The following CMTR1 variants were observed in gnomAD, a reference collection of about 807,000 sequenced individuals.
CMTR1 encodes cap-specific mRNA (nucleoside-2'-O-)-methyltransferase 1.
Under a neutral mutation model 107.0 loss-of-function variants are expected in CMTR1, and 39 were observed. That is an observed-to-expected ratio of 0.36 (90% CI 0.28 to 0.48). CMTR1 has a LOEUF of 0.48. Among genes scored for constraint, CMTR1 ranks in the 20% least tolerant of loss-of-function variants. CMTR1 has a pLI of 0.99. For synonymous variants in CMTR1, 366 were observed against 379.5 expected, an observed-to-expected ratio of 0.96 and a Z score of 0.41; for missense variants, 672 against 1,064.9, an observed-to-expected ratio of 0.63 and a Z score of 5.14.
At chr6:37,430,243 T>C (rs1224990397), upstream of CMTR1, among the ~76,000 whole-genome samples, 1 of 152,250 alleles carries the variant, frequency 6.6e-6, no homozygotes, top group African/African-American at 2.4e-5. Flanking sequence ...CTTTACCATT[T>C]ACTTTTCAGA....
intron 13 of CMTR1, 35 bp from the exon 14 acceptor site, chr6:37,470,986 T>G (rs773486316): frequency 6.4e-7 from 1 of 1,568,166 alleles, no homozygotes; most frequent in Non-Finnish European, 8.6e-7. Context: ...TCTTTTTTGG[T>G]AATCCTGAGA....
rs1406785096 is a variant in CMTR1 at position 37,479,026 on chromosome 6, T to C, written c.2267-121T>C. 3 of 673,310 alleles carry C rather than the reference T, an allele frequency of 4.5e-6. No homozygotes were observed. In the African/African-American group the frequency reaches 5.4e-5, roughly 12 times the overall value. The allele number at this position is 673,310 out of a possible 1,614,324, so 41.7% of individuals were successfully genotyped here. ...TGAAGGCTGCTGCCTCACGGGCTATTCCCTGCTTGCTTTTGGTGGGAGGCA... is the reference window on the plus strand; with the variant it reads ...TGAAGGCTGCTGCCTCACGGGCTATCCCCTGCTTGCTTTTGGTGGGAGGCA... On this transcript the variant is annotated intron_variant, in intron 22 of 23. Transcript: ENST00000373451.
Position 37,480,912 on chromosome 6 carries a change from G to A in CMTR1, c.*767G>A. On this transcript the variant is annotated 3_prime_UTR_variant, in exon 24 of 24. Coordinates refer to ENST00000373451, the MANE Select transcript of CMTR1 (RefSeq NM_015050.3). ...GTCCAAACATTGGGCAGCGCTAGAT[G>A]GCAGGAAGCAGCCTTGAAGACCCGT... 4 of 1,215,042 alleles carry A rather than the reference G, an allele frequency of 3.3e-6. No homozygotes were observed. Among genetic ancestry groups the A allele is most frequent in the Non-Finnish European group, 4.2e-6 (4 of 956,082 alleles). The allele number at this position is 1,215,042 out of a possible 1,614,324, so 75.3% of individuals were successfully genotyped here.
intron 17 of CMTR1, among the ~76,000 whole-genome samples, chr6:37,473,984 C>T (rs1761681007): frequency 6.6e-6 from 1 of 152,212 alleles, no homozygotes; most frequent in South Asian, 2.1e-4. Context: ...TACTCCCTGT[C>T]CCTACCCTGG....
intron 9 of CMTR1, among the ~76,000 whole-genome samples, chr6:37,459,347 G>A (rs1320044385): frequency 6.6e-6 from 1 of 152,240 alleles, no homozygotes; most frequent in Non-Finnish European, 1.5e-5. Flanking sequence ...AAAGTTCCAC[G>A]AGTTGATGAC....
intron 22 of CMTR1, among the ~76,000 whole-genome samples, chr6:37,478,763 G>A (rs7749537): frequency 0.015 from 2,357 of 152,310 alleles, 57 homozygotes; most frequent in African/African-American, 0.054. Flanking sequence ...ACACACGCAC[G>A]TGTTGTTCTC....
intron 1 of CMTR1, among the ~76,000 whole-genome samples, chr6:37,434,662 C>T (rs1771480838): frequency 6.6e-6 from 1 of 152,054 alleles, no homozygotes; most frequent in Non-Finnish European, 1.5e-5. Context: ...CTTGCTCTGT[C>T]GCCCAGGGTG....
At chr6:37,439,350 T>A (rs1435589460) in intron 2 of CMTR1, among the ~76,000 whole-genome samples, 1 of 152,252 alleles carries the variant, frequency 6.6e-6, no homozygotes, top group African/African-American at 2.4e-5. Context: ...ACGGGAAAAC[T>A]ATGGTCTAGA....
upstream of CMTR1, among the ~76,000 whole-genome samples, chr6:37,431,977 A>C (rs754295946): frequency 6.6e-6 from 1 of 152,088 alleles, no homozygotes; most frequent in Non-Finnish European, 1.5e-5. Flanking sequence ...CACCACACCC[A>C]GCTACTTTTT....
Position 37,480,822 on chromosome 6 carries a change from C to T in CMTR1, c.*677C>T, listed in dbSNP as rs1052492766. Reference sequence around the variant, plus strand: ...TCATCCCTGATACCACATTGAGATCCTGGGAGCCCTCTTTTCGTACTGAGT... The same window carrying T: ...TCATCCCTGATACCACATTGAGATCTTGGGAGCCCTCTTTTCGTACTGAGT... On this transcript the variant is annotated 3_prime_UTR_variant, in exon 24 of 24. Coordinates refer to ENST00000373451, the MANE Select transcript of CMTR1 (RefSeq NM_015050.3). 6.4e-5 allele frequency: 72 copies of T among 1,131,206 alleles called. No individual in the cohort carries two copies. The highest frequency in any genetic ancestry group is 7.7e-5 in the Non-Finnish European group (70 of 913,814). 70.1% of individuals were successfully genotyped at this position (1,131,206 alleles called of 1,614,324 possible).
chr6:37,478,537 C>T lies in CMTR1; in HGVS notation c.2266+16C>T. 6.3e-7 allele frequency: 1 copy of T among 1,589,990 alleles called. No individual in the cohort carries two copies. The highest frequency in any genetic ancestry group is 8.6e-7 in the Non-Finnish European group (1 of 1,158,194). On this transcript the variant is annotated intron_variant, in intron 22 of 23. Transcript: ENST00000373451. ...ACAGTGAATGGTGGGTGAGGAGGGA[C>T]TGTTCCCGCCATCCCCTCCCCTCTC... is the stretch of plus-strand genomic sequence containing the variant.
At chr6:37,450,422 C>A in intron 5 of CMTR1, 79 bp downstream of exon 5, 1 of 1,048,536 alleles carries the variant, frequency 9.5e-7, no homozygotes, top group Non-Finnish European at 1.5e-6. Flanking sequence ...TATTTACATA[C>A]ACTTGCAGTT....
intron 13 of CMTR1, among the ~76,000 whole-genome samples, chr6:37,468,317 GT>G (rs530656954): frequency 1.2e-3 from 186 of 151,868 alleles, no homozygotes; most frequent in African/African-American, 4.4e-3. Flanking sequence ...TTGTGTTTTT[GT>G]TTTTATATAA....
chr6:37,453,307 T>A lies in CMTR1; in HGVS notation c.772T>A (p.Tyr258Asn), dbSNP rs1193085662. ...CATGTTCACAAATCCGCGGGACTCT[T>A]ATGGGGTGAGAACAAGATTCTGCTT... ...DRMFTNPRDS[Y>N]GKPLVKDREA... Residue 258 changes from tyrosine (Y) to asparagine (N), a missense_variant, in exon 8 of 24, where the codon TAT becomes AAT. Transcript: ENST00000373451. 1 of 1,613,922 alleles carries A rather than the reference T, an allele frequency of 6.2e-7. No individual in the cohort carries two copies. The highest frequency in any genetic ancestry group is 8.5e-7 in the Non-Finnish European group (1 of 1,179,902).
rs1771729127 is a variant in CMTR1, at chr6:37,444,027, T to C, written c.162T>C (p.Asp54=). The C allele has an allele frequency of 1.2e-6, 2 of 1,614,178 alleles. No homozygotes were observed. The highest frequency in any genetic ancestry group is 1.3e-5 in the African/African-American group (1 of 75,046). The part of the protein sequence containing the change: ...KASTTSLSGS[D]SETEGKQHSS... ...CTACTACAAGCCTTAGTGGGTCTGA[T>C]AGTGAGACCGAGGGGAAACAACACA... Residue 54 remains aspartate, a synonymous_variant, in exon 3 of 24, where the codon GAT becomes GAC. Coordinates refer to ENST00000373451, the MANE Select transcript of CMTR1 (RefSeq NM_015050.3).
chr6:37,468,730 A>G (rs1045100221), intron 13 of CMTR1, among the ~76,000 whole-genome samples: 1 of 151,446 alleles, frequency 6.6e-6, no homozygotes, highest in African/African-American at 2.4e-5. Context: ...CAAAAGTACA[A>G]AAATTAGCCC....
intron 8 of CMTR1, among the ~76,000 whole-genome samples, chr6:37,457,226 A>C (rs1316875280): frequency 1.3e-5 from 2 of 152,072 alleles, no homozygotes; most frequent in African/African-American, 4.8e-5. Flanking sequence ...CCAAAAAAAA[A>C]AAAAACAAAA....
chr6:37,451,781 A>G (rs1226815440), intron 5 of CMTR1, 25 bp from the exon 6 acceptor site: 1 of 1,588,038 alleles, frequency 6.3e-7, no homozygotes, highest in Non-Finnish European at 8.6e-7. Context: ...CGTGGTCATT[A>G]CTTACTGCTT....
At chr6:37,454,828 T>C (rs952536743) in intron 8 of CMTR1, among the ~76,000 whole-genome samples, 1 of 152,172 alleles carries the variant, frequency 6.6e-6, no homozygotes, top group African/African-American at 2.4e-5. Context: ...TATTTTCTCT[T>C]TTCATTTCCG....
Sources: allele counts gnomAD v4.1 joint callset (sites outside exome capture counted in the v4.1 genomes callset), GRCh38; gene constraint gnomAD v4.1.1; transcripts MANE v1.5; gene names NCBI Gene and HGNC (gene_info 2026-07-23, HGNC 2026-07-21).